FCN1: variants seen among roughly 807,000 people sequenced by gnomAD.
The protein encoded by FCN1 is ficolin 1, also known as ficolin-1.
FCN1 carries 42 observed loss-of-function variants against 35.6 expected under a neutral mutation model. That is an observed-to-expected ratio of 1.18 (90% CI 0.92 to 1.53). FCN1 has a LOEUF of 1.53. Ranked by LOEUF, FCN1 falls within the 40% of genes most tolerant of loss-of-function variation. The pLI is 0.00. For synonymous variants in FCN1, 179 were observed against 169.8 expected (o/e 1.05, Z -0.42); for missense variants, 439 against 428.4 (o/e 1.02, Z -0.22).
chr9:134,914,679 C>A, intron 3 of FCN1, 77 bp downstream of exon 3: 1 of 1,049,396 alleles, frequency 9.5e-7, no homozygotes, highest in Non-Finnish European at 1.4e-6. Context: ...CTGTCTCTGT[C>A]TCTCCCTCCC....
At position 134,905,451 on chromosome 9, in the gene FCN1, TG is replaced by T. The variant is rs1564214784; in HGVS notation, c.*4346del. 6.6e-6 allele frequency among the ~76,000 whole-genome samples: 1 copy of T among 152,192 alleles called. No individual in the cohort carries two copies. Among genetic ancestry groups the T allele is most frequent in the African/African-American group, 2.4e-5 (1 of 41,444 alleles). ...ATGTGAGTTGGGGAGGAATTGGTGATGGGAAAAGACTCTTCATCTCTTCATA... is the reference window on the plus strand; with the variant it reads ...ATGTGAGTTGGGGAGGAATTGGTGATGGAAAAGACTCTTCATCTCTTCATA... On this transcript the variant is annotated 3_prime_UTR_variant, in exon 9 of 9. Coordinates refer to ENST00000371806, the MANE Select transcript of FCN1 (RefSeq NM_002003.5).
Position 134,909,984 on chromosome 9 carries a change from C to G in FCN1, c.795G>C (p.Val265=). ...FFSTKDQDND[V]SSSNCAEKFQ... is the part of the protein sequence containing the mutation. ...ACTTCTCAGCACAATTCGAAGAACT[C>G]ACATCATTGTCTTGGTCTTTGGTGG... The change falls in exon 9 of 9, where the codon GTG becomes GTC. Residue 265 remains valine (V), a synonymous_variant. Coordinates refer to ENST00000371806, the MANE Select transcript of FCN1 (RefSeq NM_002003.5). 7.4e-6 allele frequency: 12 copies of G among 1,614,152 alleles called. No individual in the cohort carries two copies. Among genetic ancestry groups the G allele is most frequent in the Non-Finnish European group, 9.3e-6 (11 of 1,180,016 alleles).
chr9:134,914,918 AC>A, intron 2 of FCN1, 109 bp from the exon 3 acceptor site: 1 of 785,354 alleles, frequency 1.3e-6, no homozygotes, highest in South Asian at 1.6e-5. Flanking sequence ...TCTGCCTTGA[AC>A]CCCTTCTGGT....
At chr9:134,914,245 G>T (rs1472258620) in intron 4 of FCN1, 140 bp downstream of exon 4, 4 of 791,454 alleles carry the variant, frequency 5.1e-6, no homozygotes, top group Admixed American at 1.8e-5. Context: ...AACAAAGCCC[G>T]CTGGACTCCT....
chr9:134,911,243 A>G lies in FCN1; in HGVS notation c.623T>C (p.Leu208Pro), dbSNP rs1211102371. Residue 208 changes from leucine to proline, a missense_variant, in exon 8 of 9, where the codon CTG becomes CCG. Transcript: ENST00000371806. Reference protein sequence around the residue: ...AQGSSELRVDLVDFEGNHQFA... With the variant: ...AQGSSELRVDPVDFEGNHQFA... ...CTGGTGGTTGCCCTCAAAGTCCACC[A>G]GGTCTACACGGAGCTCGCTGCTTCC... 1.3e-5 allele frequency: 21 copies of G among 1,613,804 alleles called. No individual in the cohort carries two copies. The highest frequency in any genetic ancestry group is 1.6e-5 in the Non-Finnish European group (19 of 1,179,886).
intron 1 of FCN1, 115 bp from the exon 2 acceptor site, chr9:134,916,576 G>T: frequency 9.3e-7 from 1 of 1,079,590 alleles, no homozygotes; most frequent in Non-Finnish European, 1.4e-6. Context: ...CTGGTGAGGC[G>T]GAGATGTGAT....
chr9:134,908,450 T>C lies in FCN1; in HGVS notation c.*1348A>G, dbSNP rs1032689214. The stretch of plus-strand genomic sequence containing the variant: ...AGTCAGAGCCTGCAAATACCTTCCA[T>C]GGCAAAAGAGACTTTGCTGATGTGG... On this transcript the variant is annotated 3_prime_UTR_variant, in exon 9 of 9. Coordinates refer to ENST00000371806, the MANE Select transcript of FCN1 (RefSeq NM_002003.5). The C allele has an allele frequency of 2.6e-5, 4 of 152,176 alleles. No individual in the cohort carries two copies. Among genetic ancestry groups the C allele is most frequent in the African/African-American group, 9.7e-5 (4 of 41,420 alleles). The allele number at this position is 152,176 out of a possible 1,614,324, so 9.4% of individuals were successfully genotyped here. A position where few individuals can be genotyped will look rare whatever the true frequency, so the allele number is the denominator to read the frequency against.
chr9:134,914,299 C>T (rs907935453), intron 4 of FCN1, 86 bp downstream of exon 4: 13 of 1,173,170 alleles, frequency 1.1e-5, no homozygotes, highest in Middle Eastern at 1.9e-4. Flanking sequence ...GGGACGTGGG[C>T]GGTGGGCAGG....
chr9:134,909,217 C>A lies in FCN1; in HGVS notation c.*581G>T. 2 of 1,289,770 alleles carry A rather than the reference C, an allele frequency of 1.6e-6. No homozygotes were observed. The highest frequency in any genetic ancestry group is 1.5e-5 in the African/African-American group (1 of 65,974). The allele number at this position is 1,289,770 out of a possible 1,614,324, so 79.9% of individuals were successfully genotyped here. On this transcript the variant is annotated 3_prime_UTR_variant, in exon 9 of 9. Coordinates refer to ENST00000371806, the MANE Select transcript of FCN1 (RefSeq NM_002003.5). ...TTATCTCTTCCCAGCAGCCAGCCAGCCCAAAGCATGAACTCTGCCGTGGTG... is the reference window on the plus strand; with the variant it reads ...TTATCTCTTCCCAGCAGCCAGCCAGACCAAAGCATGAACTCTGCCGTGGTG...
chr9:134,916,350 C>G lies in FCN1; in HGVS notation c.215G>C (p.Arg72Thr), dbSNP rs773552172. 1.2e-6 allele frequency: 2 copies of G among 1,613,286 alleles called. No individual in the cohort carries two copies. Among genetic ancestry groups the G allele is most frequent in the East Asian group, 4.5e-5 (2 of 44,880 alleles). Residue 72 changes from arginine to threonine, a missense_variant and splice_region_variant, in exon 2 of 9, where the codon AGA becomes ACA. Physicochemically the swap from Arg to Thr is moderately conservative, Grantham distance 71. Coordinates refer to ENST00000371806, the MANE Select transcript of FCN1 (RefSeq NM_002003.5). ...PKGEAGVIGE[R>T]GERGLPGAPG... ...CTCCCCACCCGGCCCGCACCTACCT[C>G]TCTCTCCAATGACACCTGCCTCTCC...
intron 1 of FCN1, among the ~76,000 whole-genome samples, chr9:134,917,494 A>G (rs1249100198): frequency 6.6e-6 from 1 of 152,162 alleles, no homozygotes; most frequent in Non-Finnish European, 1.5e-5. Flanking sequence ...CTTCCTTCTC[A>G]GTGACAGATT....
intron 2 of FCN1, among the ~76,000 whole-genome samples, chr9:134,915,195 C>T (rs1030124501): frequency 6.6e-5 from 10 of 152,178 alleles, no homozygotes; most frequent in South Asian, 2.1e-4. Context: ...CATCCTACCA[C>T]GTCCCCACAC....
chr9:134,914,993 G>A (rs140406381), intron 2 of FCN1, among the ~76,000 whole-genome samples, 184 bp from the exon 3 acceptor site: 3 of 152,208 alleles, frequency 2.0e-5, no homozygotes, highest in Non-Finnish European at 4.4e-5. Flanking sequence ...ATGGAGGTGA[G>A]GGATTGAGGG....
intron 8 of FCN1, 30 bp downstream of exon 8, chr9:134,911,103 T>G: frequency 1.2e-6 from 2 of 1,612,430 alleles, no homozygotes; most frequent in Non-Finnish European, 1.7e-6. Flanking sequence ...CAAGCCCCAC[T>G]CAGGCCACCA....
Position 134,917,810 on chromosome 9 carries a change from T to C in FCN1, c.62A>G (p.His21Arg). The C allele has an allele frequency of 6.2e-7, 1 of 1,613,996 alleles. No individual in the cohort carries two copies. Among genetic ancestry groups the C allele is most frequent in the Middle Eastern group, 1.6e-4 (1 of 6,062 alleles). The stretch of plus-strand genomic sequence containing the variant: ...AGCCTGGGCAGGCAGGTTCTTGATA[T>C]GCAGGAACAAGACTAGCAGGACAGC... ...GLAVLLVLFL[H>R]IKNLPAQAAD... Residue 21 changes from histidine (H) to arginine (R), a missense_variant, in exon 1 of 9, where the codon CAT (histidine) becomes CGT (arginine). By Grantham distance (29) the His-to-Arg change is conservative. Coordinates refer to ENST00000371806, the MANE Select transcript of FCN1 (RefSeq NM_002003.5).
chr9:134,909,831 G>T lies in FCN1; in HGVS notation c.948C>A (p.Tyr316Ter). 1.9e-6 allele frequency: 3 copies of T among 1,614,004 alleles called. No homozygotes were observed. The South Asian group carries it at 3.3e-5, about 18-fold the overall frequency. The change falls in exon 9 of 9, where the codon TAC (tyrosine) becomes TAA (stop). Residue 316 changes from tyrosine (Y) to a stop codon, truncating the protein, a stop_gained. Coordinates refer to ENST00000371806, the MANE Select transcript of FCN1 (RefSeq NM_002003.5). LOFTEE classifies it high-confidence loss of function. ...GCCGCACCTTCATCTCTGACACCTTGTAGCTATATTTGTACCCCTTCGCCG... is the reference window on the plus strand; with the variant it reads ...GCCGCACCTTCATCTCTGACACCTTTTAGCTATATTTGTACCCCTTCGCCG... ...WSAAKGYKYS[Y>*]KVSEMKVRPA
chr9:134,914,276 G>T, intron 4 of FCN1, 109 bp downstream of exon 4: 2 of 993,822 alleles, frequency 2.0e-6, no homozygotes, highest in Non-Finnish European at 3.2e-6. Context: ...CCTGCCCACA[G>T]CCTGGATTGA....
At chr9:134,913,321 C>G (rs1246331475) in intron 5 of FCN1, among the ~76,000 whole-genome samples, 178 bp from the exon 6 acceptor site, 2 of 152,186 alleles carry the variant, frequency 1.3e-5, no homozygotes, top group Non-Finnish European at 2.9e-5. Context: ...TGCCCACACC[C>G]AGTCTGCCGA....
rs947274730 is a variant in FCN1 at position 134,903,437 on chromosome 9, C to A, written c.*6361G>T. 6.6e-6 allele frequency among the ~76,000 whole-genome samples: 1 copy of A among 151,806 alleles called. No individual in the cohort carries two copies. Among genetic ancestry groups the A allele is most frequent in the Non-Finnish European group, 1.5e-5 (1 of 67,954 alleles). On this transcript the variant is annotated 3_prime_UTR_variant, in exon 9 of 9. Coordinates refer to ENST00000371806, the MANE Select transcript of FCN1 (RefSeq NM_002003.5). Reference sequence around the variant, plus strand: ...GTTCTCTGACCCTGATAGAGGTAAGCCAGAAATCAAGAACAGAAAGATATC... The same window carrying A: ...GTTCTCTGACCCTGATAGAGGTAAGACAGAAATCAAGAACAGAAAGATATC...
Sources: allele counts gnomAD v4.1 joint callset (sites outside exome capture counted in the v4.1 genomes callset), GRCh38; gene constraint gnomAD v4.1.1; transcripts MANE v1.5; gene names NCBI Gene and HGNC (gene_info 2026-07-23, HGNC 2026-07-21).